LTBP3: variants seen among roughly 807,000 people sequenced by gnomAD.
LTBP3 encodes the protein latent-transforming growth factor beta-binding protein 3.
In LTBP3, 97 loss-of-function variants were observed where a neutral mutation model predicts 159.7. That is an observed-to-expected ratio of 0.61 (90% CI 0.52 to 0.72). The LOEUF (loss-of-function observed/expected upper bound fraction) is 0.72. LTBP3 is among the 30% of genes least tolerant of loss of function. LTBP3 has a pLI of 0.00. For synonymous variants in LTBP3, 824 were observed against 777.1 expected (o/e 1.06, Z -1.00); for missense variants, 1,584 against 1,864.3 (o/e 0.85, Z 2.77).
chr11:65,558,147 G>T lies in LTBP3; in HGVS notation c.-188C>A, dbSNP rs1856880307. On this transcript the variant is annotated 5_prime_UTR_variant, in exon 1 of 28. Transcript: ENST00000301873. ...GCGCGGAGATGCAGACTGGACAGCG[G>T]GGAGCGCAGAAACTTCCCAGCCCCA... 2.9e-5 allele frequency: 31 copies of T among 1,077,994 alleles called. No homozygotes were observed. The highest frequency in any genetic ancestry group is 3.5e-5 in the Non-Finnish European group (31 of 888,652). The allele number at this position is 1,077,994 out of a possible 1,614,324, so 66.8% of individuals were successfully genotyped here.
intron 16 of LTBP3, chr11:65,545,360 T>A (rs1049659974): frequency 4.5e-6 from 1 of 221,796 alleles, no homozygotes; most frequent in African/African-American, 2.2e-5. Context: ...CGGTCCATGG[T>A]CCATCATTCC....
At chr11:65,549,265 C>A (rs1856504442) in intron 11 of LTBP3, among the ~76,000 whole-genome samples, 1 of 152,232 alleles carries the variant, frequency 6.6e-6, no homozygotes, top group African/African-American at 2.4e-5. Context: ...TGGACTTCCC[C>A]TGGTTCAGAG....
chr11:65,551,312 C>T, intron 10 of LTBP3, 88 bp from the exon 11 acceptor site: 1 of 1,548,252 alleles, frequency 6.5e-7, no homozygotes, highest in South Asian at 1.2e-5. Flanking sequence ...CCCACCCCAG[C>T]TTGACTGTCC....
rs1398477117 is a variant in LTBP3 at position 65,540,292 on chromosome 11, G to A, written c.3197C>T (p.Ala1066Val). The A allele has an allele frequency of 1.3e-6, 2 of 1,560,064 alleles. No individual in the cohort carries two copies. Among genetic ancestry groups the A allele is most frequent in the Admixed American group, 2.0e-5 (1 of 51,238 alleles). ...GGYRCACTPPAEYSPAQRQCL... is the reference protein window; with the variant it reads ...GGYRCACTPPVEYSPAQRQCL... ...CTGGCGCTGCGCGGGACTGTACTCGGCAGGGGGCGTGCAGGCACAGCGGTA... is the reference window on the plus strand; with the variant it reads ...CTGGCGCTGCGCGGGACTGTACTCGACAGGGGGCGTGCAGGCACAGCGGTA... The change falls in exon 23 of 28, where the codon GCC (alanine) becomes GTC (valine). Residue 1066 changes from alanine to valine, a missense_variant. Ala to Val is a moderately conservative substitution (Grantham distance 64). Around this residue, in one of 6 missense-constraint regions of LTBP3, gnomAD observed 514 missense variants for 530.3 expected, o/e 0.97. Coordinates refer to ENST00000301873, the MANE Select transcript of LTBP3 (RefSeq NM_001130144.3).
intron 10 of LTBP3, 62 bp downstream of exon 10, chr11:65,551,340 G>C: frequency 6.3e-7 from 1 of 1,585,348 alleles, no homozygotes; most frequent in Non-Finnish European, 8.6e-7. Context: ...CTTAAACTGT[G>C]AACTCCCCGC....
Position 65,546,786 on chromosome 11 carries a change from C to G in LTBP3, c.2230+12G>C. 1 of 1,594,644 alleles carries G rather than the reference C, an allele frequency of 6.3e-7. No individual in the cohort carries two copies. Among genetic ancestry groups the G allele is most frequent in the East Asian group, 2.2e-5 (1 of 44,608 alleles). On this transcript the variant is annotated intron_variant, in intron 15 of 27. Coordinates refer to ENST00000301873, the MANE Select transcript of LTBP3 (RefSeq NM_001130144.3). This position sits in a 1 kb window ranked among gnomAD's most constrained non-coding sequence, Gnocchi z 4.0. The stretch of plus-strand genomic sequence containing the variant: ...ACGGCCCCACCCACTCGGCTCCGGG[C>G]CCCGCCCTCACCGCGACAGGCCCCG...
chr11:65,557,910 C>G lies in LTBP3; in HGVS notation c.50G>C (p.Gly17Ala). ...CGCCAGCAGCCCCGCCGCCCCCGCC[C>G]CGCGCATCTCAGGGGCCAGGCCGCC... The part of the protein sequence containing the change: ...AAGGLAPEMR[G>A]AGAAGLLALL... The change falls in exon 1 of 28, where the codon GGG (glycine) becomes GCG (alanine). Residue 17 changes from glycine to alanine, a missense_variant. Physicochemically the swap from Gly to Ala is moderately conservative, Grantham distance 60. Coordinates refer to ENST00000301873, the MANE Select transcript of LTBP3 (RefSeq NM_001130144.3). 7.9e-7 allele frequency: 1 copy of G among 1,266,898 alleles called. No homozygotes were observed. The highest frequency in any genetic ancestry group is 1.0e-6 in the Non-Finnish European group (1 of 996,508). 78.5% of individuals were successfully genotyped at this position (1,266,898 alleles called of 1,614,324 possible).
chr11:65,546,381 G>A lies in LTBP3; in HGVS notation c.2353+61C>T. 5 of 1,481,158 alleles carry A rather than the reference G, an allele frequency of 3.4e-6. No homozygotes were observed. In the South Asian group the frequency reaches 4.0e-5, roughly 12 times the overall value. 91.8% of individuals were successfully genotyped at this position (1,481,158 alleles called of 1,614,324 possible). The stretch of plus-strand genomic sequence containing the variant: ...CCACTGTTTACAGACAGCGTGACCC[G>A]CTCCCCGGCTTCAGCGCGTAGGGGG... On this transcript the variant is annotated intron_variant, in intron 16 of 27. Transcript: ENST00000301873. This position sits in a 1 kb window ranked among gnomAD's most constrained non-coding sequence, Gnocchi z 4.0.
At position 65,547,781 on chromosome 11, in the gene LTBP3, C is replaced by G. The variant is rs1410847829; in HGVS notation, c.1887G>C (p.Arg629Ser). 1 of 1,612,574 alleles carries G rather than the reference C, an allele frequency of 6.2e-7. No homozygotes were observed. Among genetic ancestry groups the G allele is most frequent in the Non-Finnish European group, 8.5e-7 (1 of 1,179,680 alleles). The change falls in exon 13 of 28, where the codon AGG becomes AGC. Residue 629 changes from arginine to serine, a missense_variant. This residue lies in a region of LTBP3 where 565 missense variants were observed against 677.7 expected (regional missense o/e 0.83). Coordinates refer to ENST00000301873, the MANE Select transcript of LTBP3 (RefSeq NM_001130144.3). This position sits in a 1 kb window ranked among gnomAD's most constrained non-coding sequence, Gnocchi z 4.6. ...ECEAEPCGPG[R>S]GICMNTGGSY... Reference sequence around the variant, plus strand: ...AGCCGCCGGTGTTCATGCAGATGCCCCTCCCCGGGCCACAGGGCTCTGCCT... The same window carrying G: ...AGCCGCCGGTGTTCATGCAGATGCCGCTCCCCGGGCCACAGGGCTCTGCCT...
At position 65,539,340 on chromosome 11, in the gene LTBP3, C is replaced by T. The variant is rs1382015699; in HGVS notation, c.3748G>A (p.Ala1250Thr). 2 of 1,521,272 alleles carry T rather than the reference C, an allele frequency of 1.3e-6. No individual in the cohort carries two copies. Among genetic ancestry groups the T allele is most frequent in the Admixed American group, 4.0e-5 (2 of 49,694 alleles). The allele number at this position is 1,521,272 out of a possible 1,614,324, so 94.2% of individuals were successfully genotyped here. The part of the protein sequence containing the change: ...PGGFQLDASR[A>T]RCVDIDECRE... ...AAGCCCGGCTCACCCACGCAGCGGG[C>T]GCGGGAGGCGTCGAGCTGGAAGCCG... Residue 1250 changes from alanine (A) to threonine (T), a missense_variant, in exon 27 of 28, where the codon GCC becomes ACC. This residue lies in a region of LTBP3 where 514 missense variants were observed against 530.3 expected (regional missense o/e 0.97). Transcript: ENST00000301873.
At chr11:65,548,880 G>C (rs1856490265) in intron 11 of LTBP3, 1 of 152,148 alleles carries the variant, frequency 6.6e-6, no homozygotes, top group African/African-American at 2.4e-5. Context: ...AAGCCCCCAA[G>C]AACAGCCATC....
At chr11:65,545,358 G>A (rs1171308952) in intron 16 of LTBP3, 2 of 221,640 alleles carry the variant, frequency 9.0e-6, no homozygotes, top group African/African-American at 2.2e-5. Context: ...CCCGGTCCAT[G>A]GTCCATCATT....
At chr11:65,540,787 T>C (rs1856093669) in intron 21 of LTBP3, 84 bp downstream of exon 21, 8 of 1,473,436 alleles carry the variant, frequency 5.4e-6, no homozygotes, top group Non-Finnish European at 7.3e-6. Flanking sequence ...CGCGGGCAGC[T>C]GACCCAGCGA....
chr11:65,554,645 G>A lies in LTBP3; in HGVS notation c.332-265C>T, dbSNP rs1856742556. Among the ~76,000 whole-genome samples the A allele has an allele frequency of 6.6e-6, 1 of 152,058 alleles. No homozygotes were observed. The highest frequency in any genetic ancestry group is 2.4e-5 in the African/African-American group (1 of 41,366). ...ACTCACGTCCCCTCCCTGTGCCCCA[G>A]CGTCCTCATCTGTAGAGATGTGTGG... is the stretch of plus-strand genomic sequence containing the variant. On this transcript the variant is annotated intron_variant, in intron 1 of 27. Coordinates refer to ENST00000301873, the MANE Select transcript of LTBP3 (RefSeq NM_001130144.3). The surrounding 1 kb of genome is among the most constrained non-coding windows in gnomAD (Gnocchi z 5.3).
chr11:65,538,646 G>A lies in LTBP3; in HGVS notation c.*434C>T, dbSNP rs1855864721. The A allele has an allele frequency of 1.6e-5, 23 of 1,453,348 alleles. No homozygotes were observed. Among genetic ancestry groups the A allele is most frequent in the Middle Eastern group, 1.8e-4 (1 of 5,556 alleles). 90.0% of individuals were successfully genotyped at this position (1,453,348 alleles called of 1,614,324 possible). ...TTGTACAAACCATGTGAGCCCGGCC[G>A]GCCCAGCCAGGCCATCTCACGTGTA... On this transcript the variant is annotated 3_prime_UTR_variant, in exon 28 of 28. Transcript: ENST00000301873.
chr11:65,543,627 T>G, intron 16 of LTBP3, 78 bp from the exon 17 acceptor site: 1 of 1,574,820 alleles, frequency 6.3e-7, no homozygotes, highest in Non-Finnish European at 8.7e-7. Context: ...CTTCTGCGCA[T>G]GGCCTGGAGC....
chr11:65,551,776 G>T, intron 8 of LTBP3, 196 bp downstream of exon 8: 1 of 905,478 alleles, frequency 1.1e-6, no homozygotes, highest in Non-Finnish European at 1.8e-6. Context: ...AGGTCAGGCT[G>T]TAGAAGGCTT....
intron 8 of LTBP3, 180 bp downstream of exon 8, chr11:65,551,792 G>A: frequency 3.2e-6 from 3 of 936,750 alleles, no homozygotes; most frequent in Non-Finnish European, 5.1e-6. Flanking sequence ...GGCTTAGGAG[G>A]TTATAGCTCA....
In LTBP3 at chr11:65,552,764, G is replaced by A. The variant is rs1856657687; in HGVS notation, c.1186+96C>T. 6.3e-7 allele frequency: 1 copy of A among 1,579,554 alleles called. No homozygotes were observed. The highest frequency in any genetic ancestry group is 1.3e-5 in the African/African-American group (1 of 74,286). ...GGCTCTGGGCCTTGTTCCTCCTGCA[G>A]TCAACCCTTAACCCCACTCTGATCT... On this transcript the variant is annotated intron_variant, in intron 6 of 27. Transcript: ENST00000301873. This position sits in a 1 kb window ranked among gnomAD's most constrained non-coding sequence, Gnocchi z 6.0.
Sources: gnomAD v4.1 joint callset for allele counts (sites outside exome capture counted in the v4.1 genomes callset) on GRCh38, gnomAD v4.1.1 for gene constraint, gnomAD v4.1.1 regional missense constraint, Gnocchi (gnomAD v3.1) non-coding constraint, MANE v1.5 for transcripts, NCBI Gene and HGNC (gene_info 2026-07-23, HGNC 2026-07-21) for gene names.